The following CRYBG3 variants were observed in gnomAD, a reference collection of about 807,000 sequenced individuals.
CRYBG3 encodes crystallin beta-gamma domain containing 3, also known as very large A-kinase anchor protein.
CRYBG3 carries 127 observed loss-of-function variants against 244.2 expected under a neutral mutation model. The ratio of observed to expected loss-of-function variants is 0.52; its 90% CI spans 0.45 to 0.60. CRYBG3 has a LOEUF of 0.60. Among genes scored for constraint, CRYBG3 ranks in the 20% least tolerant of loss-of-function variants. The pLI is 0.00. For missense variants in CRYBG3, 3,325 were observed against 3,442.5 expected (o/e 0.97, Z 0.85); for synonymous variants, 1,132 against 1,195.8 (o/e 0.95, Z 1.10).
intron 6 of CRYBG3, among the ~76,000 whole-genome samples, chr3:97,880,391 T>C (rs2039431200): frequency 6.6e-6 from 1 of 152,166 alleles, no homozygotes; most frequent in South Asian, 2.1e-4. Context: ...ATTTGGCAAG[T>C]TTGGGTGAAT....
In CRYBG3 at chr3:97,864,519, T is replaced by A; in HGVS notation, c.519T>A (p.Ile173=). The A allele has an allele frequency of 6.5e-7, 1 of 1,535,752 alleles. No homozygotes were observed. Among genetic ancestry groups the A allele is most frequent in the Non-Finnish European group, 8.7e-7 (1 of 1,146,754 alleles). Residue 173 remains isoleucine, a synonymous_variant, in exon 3 of 22, where the codon ATT becomes ATA. Transcript: ENST00000389622. ...HEDGIKRERE[I]FSGSLRTQTH... is the part of the protein sequence containing the mutation. The stretch of plus-strand genomic sequence containing the variant: ...ACGGGATCAAAAGGGAGAGAGAGAT[T>A]TTCAGTGGCTCCCTAAGAACCCAGA...
intron 6 of CRYBG3, 145 bp from the exon 7 acceptor site, chr3:97,880,927 C>CCCT: frequency 1.9e-6 from 1 of 538,834 alleles, no homozygotes; most frequent in Non-Finnish European, 3.2e-6. Flanking sequence ...TAGCATATAT[C>CCCT]ATTGTTTCAA....
At chr3:97,928,720 A>T (rs1036173104) in intron 17 of CRYBG3, among the ~76,000 whole-genome samples, 4 of 152,010 alleles carry the variant, frequency 2.6e-5, no homozygotes, top group Non-Finnish European at 5.9e-5. Flanking sequence ...CTAATTAAAC[A>T]TATTTCTGTT....
chr3:97,841,534 C>T (rs563689316), intron 1 of CRYBG3, among the ~76,000 whole-genome samples: 1 of 151,954 alleles, frequency 6.6e-6, no homozygotes, highest in Non-Finnish European at 1.5e-5. Context: ...TTCTTGGATA[C>T]TGTGCGTAAT....
intron 16 of CRYBG3, 120 bp from the exon 17 acceptor site, chr3:97,915,490 T>G: frequency 1.1e-6 from 1 of 934,808 alleles, no homozygotes; most frequent in East Asian, 2.6e-5. Context: ...AAAGCTGGTG[T>G]GGTGGTGCTC....
intron 7 of CRYBG3, among the ~76,000 whole-genome samples, chr3:97,885,349 T>C (rs1661125124): frequency 6.6e-6 from 1 of 152,166 alleles, no homozygotes; most frequent in South Asian, 2.1e-4. Flanking sequence ...TTAAGTAGAA[T>C]TGTTCAGTCT....
At position 97,873,671 on chromosome 3, in the gene CRYBG3, T is replaced by G; in HGVS notation, c.2477T>G (p.Val826Gly). Residue 826 changes from valine (V) to glycine (G), a missense_variant, in exon 4 of 22, where the codon GTG (valine) becomes GGG (glycine). Physicochemically the swap from Val to Gly is moderately radical, Grantham distance 109. Around this residue, in one of 4 missense-constraint regions of CRYBG3, gnomAD observed 1,526 missense variants for 1,443.2 expected, o/e 1.06. Coordinates refer to ENST00000389622, the MANE Select transcript of CRYBG3 (RefSeq NM_153605.4). ...AEIDGQNNVL[V>G]ESHSGRGKTI... Reference sequence around the variant, plus strand: ...ATTGATGGTCAGAACAATGTTCTTGTGGAGTCACATTCTGGAAGAGGAAAA... The same window carrying G: ...ATTGATGGTCAGAACAATGTTCTTGGGGAGTCACATTCTGGAAGAGGAAAA... The G allele has an allele frequency of 7.2e-6, 11 of 1,535,748 alleles. No individual in the cohort carries two copies. The highest frequency in any genetic ancestry group is 9.6e-6 in the Non-Finnish European group (11 of 1,146,776).
At chr3:97,894,706 C>T (rs1483951239) in intron 11 of CRYBG3, among the ~76,000 whole-genome samples, 5 of 151,262 alleles carry the variant, frequency 3.3e-5, no homozygotes. Flanking sequence ...TATTTTTTTT[C>T]CCATTCAGAT....
In CRYBG3 at chr3:97,864,499, A is replaced by T. The variant is rs2039196366; in HGVS notation, c.499A>T (p.Ile167Phe). 6.5e-7 allele frequency: 1 copy of T among 1,536,006 alleles called. No individual in the cohort carries two copies. The highest frequency in any genetic ancestry group is 2.0e-5 in the Admixed American group (1 of 50,990). Residue 167 changes from isoleucine (I) to phenylalanine (F), a missense_variant, in exon 3 of 22, where the codon ATC (isoleucine) becomes TTC (phenylalanine). This residue lies in a region of CRYBG3 where 1,526 missense variants were observed against 1,443.2 expected (regional missense o/e 1.06). Coordinates refer to ENST00000389622, the MANE Select transcript of CRYBG3 (RefSeq NM_153605.4). ...QNPSDHHEDG[I>F]KREREIFSGS... ...TCCCAGTGACCATCATGAAGACGGG[A>T]TCAAAAGGGAGAGAGAGATTTTCAG... is the stretch of plus-strand genomic sequence containing the variant.
At chr3:97,828,842 A>T (rs111381690) in intron 1 of CRYBG3, among the ~76,000 whole-genome samples, 27 of 151,658 alleles carry the variant, frequency 1.8e-4, no homozygotes, top group South Asian at 4.2e-4. Context: ...AAAAAAAAAA[A>T]AAATAACAAA....
In CRYBG3 at chr3:97,898,867, C is replaced by T; in HGVS notation, c.7702-16C>T. 2 of 1,559,680 alleles carry T rather than the reference C, an allele frequency of 1.3e-6. No individual in the cohort carries two copies. The highest frequency in any genetic ancestry group is 1.2e-5 in the South Asian group (1 of 83,354). ...AATATGTATGTTTTCCTAAACTTTC[C>T]TCTTTCTCCTTTTAGAATTTTATAG... On this transcript the variant is annotated splice_polypyrimidine_tract_variant and intron_variant, in intron 12 of 21. Coordinates refer to ENST00000389622, the MANE Select transcript of CRYBG3 (RefSeq NM_153605.4).
intron 2 of CRYBG3, among the ~76,000 whole-genome samples, chr3:97,858,768 T>G (rs2039103117): frequency 6.6e-6 from 1 of 152,186 alleles, no homozygotes; most frequent in Non-Finnish European, 1.5e-5. Context: ...CTTGCTGAAT[T>G]TACTTAAGAT....
At position 97,875,331 on chromosome 3, in the gene CRYBG3, A is replaced by G; in HGVS notation, c.4137A>G (p.Glu1379=). ...TTAGTGAAAATAAAGTATTAAATGAATTCTTCTCCCTAAGTAACTTAGCTA... is the reference window on the plus strand; with the variant it reads ...TTAGTGAAAATAAAGTATTAAATGAGTTCTTCTCCCTAAGTAACTTAGCTA... ...TQISENKVLN[E]FFSLSNLASG... The change falls in exon 4 of 22, where the codon GAA becomes GAG. Residue 1379 remains glutamate, a synonymous_variant. Transcript: ENST00000389622. 1 of 1,431,474 alleles carries G rather than the reference A, an allele frequency of 7.0e-7. No homozygotes were observed. Among genetic ancestry groups the G allele is most frequent in the Non-Finnish European group, 9.1e-7 (1 of 1,100,286 alleles). 88.7% of individuals were successfully genotyped at this position (1,431,474 alleles called of 1,614,324 possible).
intron 2 of CRYBG3, among the ~76,000 whole-genome samples, chr3:97,858,223 A>G (rs537980727): frequency 5.3e-5 from 8 of 150,686 alleles, no homozygotes; most frequent in East Asian, 3.9e-4. Flanking sequence ...TTTCTTGCCA[A>G]TAAGGTTTCT....
intron 2 of CRYBG3, 29 bp downstream of exon 2, chr3:97,843,290 A>G (rs973661607): frequency 1.9e-6 from 2 of 1,030,444 alleles, no homozygotes; most frequent in Non-Finnish European, 2.8e-6. Flanking sequence ...ATTATTTTAT[A>G]TCAAGCAAAT....
intron 10 of CRYBG3, among the ~76,000 whole-genome samples, chr3:97,890,518 T>C (rs1265606914): frequency 1.3e-5 from 2 of 152,170 alleles, no homozygotes; most frequent in African/African-American, 4.8e-5. Flanking sequence ...ATTTGTGGCT[T>C]TCCCATCAAA....
At chr3:97,840,251 G>A (rs2038793173) in intron 1 of CRYBG3, among the ~76,000 whole-genome samples, 1 of 152,024 alleles carries the variant, frequency 6.6e-6, no homozygotes, top group South Asian at 2.1e-4. Flanking sequence ...CATGAATAAT[G>A]TTATCCATGC....
At chr3:97,833,646 A>T (rs1194995603) in intron 1 of CRYBG3, among the ~76,000 whole-genome samples, 3 of 152,006 alleles carry the variant, frequency 2.0e-5, no homozygotes, top group African/African-American at 7.2e-5. Context: ...TCAGCAAACC[A>T]CCATGGCACG....
intron 2 of CRYBG3, among the ~76,000 whole-genome samples, chr3:97,861,336 T>C (rs147186330): frequency 6.6e-6 from 1 of 152,312 alleles, no homozygotes; most frequent in East Asian, 1.9e-4. Flanking sequence ...ATGTCTTCCA[T>C]TGTGTACATA....
Sources: allele counts gnomAD v4.1 joint callset (sites outside exome capture counted in the v4.1 genomes callset), GRCh38; gene constraint gnomAD v4.1.1; regional missense constraint gnomAD v4.1.1; transcripts MANE v1.5; gene names NCBI Gene and HGNC (gene_info 2026-07-23, HGNC 2026-07-21).